RAPGEF2: variants seen among roughly 807,000 people sequenced by gnomAD.
RAPGEF2 encodes the protein Rap guanine nucleotide exchange factor 2.
In RAPGEF2, 54 loss-of-function variants were observed where a neutral mutation model predicts 186.7. The ratio of observed to expected loss-of-function variants is 0.29; its 90% confidence interval spans 0.23 to 0.36. The LOEUF is 0.36. Ranked by LOEUF, RAPGEF2 falls within the 10% of genes least tolerant of loss-of-function variation. The probability of loss-of-function intolerance (pLI) is 1.00; values close to 1 mark genes in which losing one functional copy is unlikely to be tolerated. For synonymous variants in RAPGEF2, 712 were observed against 705.9 expected, an observed-to-expected ratio of 1.01 and a Z score of -0.14; for missense variants, 1,532 against 2,045.0, an observed-to-expected ratio of 0.75 and a Z score of 4.84.
chr4:159,114,625 T>C lies in RAPGEF2; in HGVS notation c.69+10394T>C, dbSNP rs573417605. ...GTGTATTTTATCAGTGTTTAATGTT[T>C]CGTGATTCTGAATTTAAGTAGATCA... On this transcript the variant is annotated intron_variant, in intron 1 of 29. Coordinates refer to ENST00000691494, the MANE Select transcript of RAPGEF2 (RefSeq NM_001394067.2). Among the ~76,000 whole-genome samples the C allele has an allele frequency of 5.9e-5, 9 of 152,346 alleles. No homozygotes were observed. In the South Asian group the frequency reaches 1.9e-3, roughly 32 times the overall value.
At chr4:159,154,519 T>A (rs57353273) in intron 1 of RAPGEF2, among the ~76,000 whole-genome samples, 2,004 of 148,404 alleles carry the variant, frequency 0.014, 14 homozygotes, top group Middle Eastern at 0.041. Context: ...TTTTTTTTTT[T>A]AAAAAAAACA....
chr4:159,315,390 A>T lies in RAPGEF2; in HGVS notation c.853+622A>T, dbSNP rs183201092. Among the ~76,000 whole-genome samples, 506 of 146,412 alleles carry T rather than the reference A, an allele frequency of 3.5e-3. 2 individuals are homozygous for T. The highest frequency in any genetic ancestry group is 0.013 in the African/African-American group (454 of 36,110). On this transcript the variant is annotated intron_variant, in intron 9 of 29. Coordinates refer to ENST00000691494, the MANE Select transcript of RAPGEF2 (RefSeq NM_001394067.2). ...TGTGTCATGGGGGTTTGTTGTATAG[A>T]TTATTTCATCACCCAGGTTTTAAGC... is the stretch of plus-strand genomic sequence containing the variant.
intron 3 of RAPGEF2, among the ~76,000 whole-genome samples, chr4:159,201,317 A>G (rs1208057737): frequency 4.6e-5 from 7 of 152,190 alleles, no homozygotes; most frequent in South Asian, 2.1e-4. Context: ...CCATCTGTCT[A>G]TTGGAAGGTG....
At chr4:159,342,956 C>T in intron 20 of RAPGEF2, 23 bp from the exon 21 acceptor site, 1 of 1,602,218 alleles carries the variant, frequency 6.2e-7, no homozygotes, top group South Asian at 1.1e-5. Flanking sequence ...GTTGTTATAC[C>T]ATGTTTCTTT....
At chr4:159,149,399 C>T (rs9996591) in intron 1 of RAPGEF2, among the ~76,000 whole-genome samples, 92,419 of 151,844 alleles carry the variant, frequency 0.61, 28,584 homozygotes, top group African/African-American at 0.72. Context: ...GCTGGGATTA[C>T]AGGTGCCTGC....
At chr4:159,145,809 C>T (rs564780761) in intron 1 of RAPGEF2, among the ~76,000 whole-genome samples, 17 of 152,262 alleles carry the variant, frequency 1.1e-4, no homozygotes, top group Non-Finnish European at 2.2e-4. Context: ...TCTAAGCCAT[C>T]AGGTGCCATG....
chr4:159,170,098 C>A (rs1745750220), intron 1 of RAPGEF2, among the ~76,000 whole-genome samples: 1 of 146,156 alleles, frequency 6.8e-6, no homozygotes, highest in Admixed American at 6.8e-5. Context: ...TTTTTTTAAA[C>A]AGCCATTCTT....
At position 159,241,224 on chromosome 4, in the gene RAPGEF2, A is replaced by G. The variant is rs1320504394; in HGVS notation, c.381A>G (p.Glu127=). Residue 127 remains glutamate, a synonymous_variant, in exon 6 of 30, where the codon GAA becomes GAG. Coordinates refer to ENST00000691494, the MANE Select transcript of RAPGEF2 (RefSeq NM_001394067.2). ...MIVVDYMDEN[E]EYFQRQASHR... ...AGGTGGACTATATGGATGAAAATGA[A>G]GAATATTTTCAGCGGCAAGCTTCCC... The G allele has an allele frequency of 1.3e-6, 2 of 1,528,370 alleles. No homozygotes were observed. Among genetic ancestry groups the G allele is most frequent in the South Asian group, 1.2e-5 (1 of 83,002 alleles). 94.7% of individuals were successfully genotyped at this position (1,528,370 alleles called of 1,614,324 possible). A position where few individuals can be genotyped will look rare whatever the true frequency, so the allele number is the denominator to read the frequency against.
intron 7 of RAPGEF2, among the ~76,000 whole-genome samples, chr4:159,275,765 A>G (rs1758780080): frequency 6.6e-6 from 1 of 152,138 alleles, no homozygotes; most frequent in Admixed American, 6.5e-5. Context: ...GGCAGAAAAG[A>G]ACATCACACT....
rs138711767 is a variant in RAPGEF2 at position 159,200,034 on chromosome 4, C to T, written c.197+6778C>T. 2.7e-5 allele frequency among the ~76,000 whole-genome samples: 4 copies of T among 150,648 alleles called. No individual in the cohort carries two copies. In the East Asian group the frequency reaches 5.8e-4, roughly 22 times the overall value. On this transcript the variant is annotated intron_variant, in intron 3 of 29. Transcript: ENST00000691494. Reference sequence around the variant, plus strand: ...TTTACCCTCAGTTTAGCTGACTCATCGATTTGATGTAATCTCTCTCTCTCT... The same window carrying T: ...TTTACCCTCAGTTTAGCTGACTCATTGATTTGATGTAATCTCTCTCTCTCT...
At chr4:159,265,261 G>A (rs1256595302) in intron 7 of RAPGEF2, among the ~76,000 whole-genome samples, 1 of 152,188 alleles carries the variant, frequency 6.6e-6, no homozygotes, top group Admixed American at 6.5e-5. Context: ...TGAGAGTGTA[G>A]TGGAGGAAGC....
chr4:159,215,706 A>G (rs1375989043), intron 4 of RAPGEF2, among the ~76,000 whole-genome samples: 1 of 152,188 alleles, frequency 6.6e-6, no homozygotes, highest in Non-Finnish European at 1.5e-5. Flanking sequence ...AACTTTTTAT[A>G]TCTTTTATAT....
chr4:159,124,056 A>G (rs1006223863), intron 1 of RAPGEF2, among the ~76,000 whole-genome samples: 16 of 150,230 alleles, frequency 1.1e-4, no homozygotes, highest in Non-Finnish European at 2.1e-4. Context: ...GCGTTTCGCC[A>G]TGTTGGCCAG....
chr4:159,221,635 C>T (rs554271398), intron 4 of RAPGEF2, among the ~76,000 whole-genome samples: 1 of 152,296 alleles, frequency 6.6e-6, no homozygotes, highest in South Asian at 2.1e-4. Flanking sequence ...CTCTGTTACA[C>T]CTGCTGTTCA....
intron 9 of RAPGEF2, among the ~76,000 whole-genome samples, chr4:159,319,777 T>C (rs1554035604): frequency 6.6e-6 from 1 of 152,130 alleles, no homozygotes; most frequent in Non-Finnish European, 1.5e-5. Context: ...TGGTTTTTTT[T>C]TTAATGCTAG....
intron 7 of RAPGEF2, among the ~76,000 whole-genome samples, chr4:159,293,881 G>A (rs911712666): frequency 6.6e-6 from 1 of 152,178 alleles, no homozygotes; most frequent in Non-Finnish European, 1.5e-5. Context: ...AGATCATGGA[G>A]GGTCTCATGT....
intron 7 of RAPGEF2, among the ~76,000 whole-genome samples, chr4:159,256,256 G>C (rs1328026649): frequency 6.6e-6 from 1 of 152,124 alleles, no homozygotes; most frequent in Non-Finnish European, 1.5e-5. Flanking sequence ...AGTGTCTGTT[G>C]TTCCCCTCCC....
intron 1 of RAPGEF2, among the ~76,000 whole-genome samples, chr4:159,139,202 TCA>T (rs1367348848): frequency 6.6e-6 from 1 of 152,154 alleles, no homozygotes; most frequent in Non-Finnish European, 1.5e-5. Flanking sequence ...TGCAGGGAAC[TCA>T]CAGTCCAGTG....
chr4:159,186,085 A>C (rs1418091726), intron 1 of RAPGEF2, among the ~76,000 whole-genome samples: 1 of 151,288 alleles, frequency 6.6e-6, no homozygotes, highest in East Asian at 1.9e-4. Flanking sequence ...TTTTTTTTCT[A>C]TTTACTGCAA....
Sources: allele counts gnomAD v4.1 joint callset (sites outside exome capture counted in the v4.1 genomes callset), GRCh38; gene constraint gnomAD v4.1.1; transcripts MANE v1.5; gene names NCBI Gene and HGNC (gene_info 2026-07-23, HGNC 2026-07-21).